PCDHA11: variants seen among roughly 807,000 people sequenced by gnomAD.
PCDHA11 encodes the protein protocadherin alpha-11.
A neutral mutation model predicts 70.3 loss-of-function variants in PCDHA11; 61 were observed. The ratio of observed to expected loss-of-function variants is 0.87; its 90% CI spans 0.71 to 1.07. The LOEUF is 1.07. PCDHA11 is among the 50% of genes least tolerant of loss of function. PCDHA11 has a pLI of 0.00. For missense variants in PCDHA11, 1,324 were observed against 1,237.5 expected, an observed-to-expected ratio of 1.07 and a Z score of -1.05; for synonymous variants, 633 against 555.1, an observed-to-expected ratio of 1.14 and a Z score of -1.97.
Position 140,974,355 on chromosome 5 carries a change from C to T in PCDHA11, c.2392-4594C>T, listed in dbSNP as rs113314336. Among the ~76,000 whole-genome samples the T allele has an allele frequency of 6.8e-3, 1,038 of 152,272 alleles. 15 individuals are homozygous for T. The highest frequency in any genetic ancestry group is 0.024 in the African/African-American group (1,003 of 41,550). ...AGCAGGCTATGCATCCAGAACTAAA[C>T]AGACCTAGCACTTTCTGTTGTACTG... is the stretch of plus-strand genomic sequence containing the variant. On this transcript the variant is annotated intron_variant, in intron 1 of 3. Transcript: ENST00000398640.
chr5:140,927,825 GGCGAGGGA>G (rs782044178), intron 1 of PCDHA11: 1 of 1,614,098 alleles, frequency 6.2e-7, no homozygotes, highest in Non-Finnish European at 8.5e-7. Context: ...CATACATTGA[GGCGAGGGA>G]CGAAGGTGTC....
chr5:140,910,019 T>C (rs2074838579), intron 1 of PCDHA11, among the ~76,000 whole-genome samples: 1 of 152,222 alleles, frequency 6.6e-6, no homozygotes, highest in Non-Finnish European at 1.5e-5. Flanking sequence ...CATCCTTGTA[T>C]CCCTGGGATA....
chr5:140,902,415 G>C (rs887303649), intron 1 of PCDHA11, among the ~76,000 whole-genome samples: 24 of 152,178 alleles, frequency 1.6e-4, no homozygotes, highest in Admixed American at 1.3e-3. Flanking sequence ...TTGAATAACA[G>C]TGGTGAAAGT....
chr5:140,869,945 T>C lies in PCDHA11; in HGVS notation c.842T>C (p.Leu281Ser), dbSNP rs528075021. Residue 281 changes from leucine (L) to serine (S), a missense_variant, in exon 1 of 4, where the codon TTA becomes TCA. By Grantham distance (145) the Leu-to-Ser change is moderately radical. Transcript: ENST00000398640. The part of the protein sequence containing the change: ...EGVNGEVTYS[L>S]MSIKPNGRHL... ...GTCAATGGAGAGGTAACATACTCCTTAATGTCAATTAAGCCCAATGGAAGA... is the reference window on the plus strand; with the variant it reads ...GTCAATGGAGAGGTAACATACTCCTCAATGTCAATTAAGCCCAATGGAAGA... 8 of 1,612,376 alleles carry C rather than the reference T, an allele frequency of 5.0e-6. No individual in the cohort carries two copies. The African/African-American group carries it at 8.0e-5, about 16-fold the overall frequency.
intron 1 of PCDHA11, chr5:140,875,742 C>T (rs782079077): frequency 3.1e-6 from 5 of 1,614,218 alleles, no homozygotes; most frequent in South Asian, 1.1e-5. Context: ...ATTCTCGGAT[C>T]GACCGCGAGA....
Position 141,009,784 on chromosome 5 carries a change from G to T in PCDHA11, c.2697G>T (p.Arg899=). The T allele has an allele frequency of 6.2e-7, 1 of 1,614,054 alleles. No individual in the cohort carries two copies. The highest frequency in any genetic ancestry group is 8.5e-7 in the Non-Finnish European group (1 of 1,180,018). ...GATCTCCTGCAATCATCTCCATCCG[G>T]CAGGAGCCTACTAACAGCCAAATTG... ...IPGSPAIISI[R]QEPTNSQIDK... The change falls in exon 4 of 4, where the codon CGG becomes CGT. Residue 899 remains arginine (R), a synonymous_variant. Coordinates refer to ENST00000398640, the MANE Select transcript of PCDHA11 (RefSeq NM_018902.5).
intron 3 of PCDHA11, among the ~76,000 whole-genome samples, chr5:141,002,021 C>T (rs1177146388): frequency 6.6e-6 from 1 of 152,184 alleles, no homozygotes; most frequent in Non-Finnish European, 1.5e-5. Context: ...GCACAGCCTT[C>T]GGTGCCCTGA....
intron 1 of PCDHA11, among the ~76,000 whole-genome samples, chr5:140,913,644 A>T (rs889499847): frequency 3.9e-5 from 6 of 151,920 alleles, no homozygotes; most frequent in Non-Finnish European, 8.8e-5. Flanking sequence ...CTGCTTTTCT[A>T]GTTCTTTAAG....
chr5:140,906,786 A>G (rs1471436514), intron 1 of PCDHA11, among the ~76,000 whole-genome samples: 1 of 152,198 alleles, frequency 6.6e-6, no homozygotes, highest in Non-Finnish European at 1.5e-5. Flanking sequence ...GATCTTGTGT[A>G]TTCCATGCAT....
At chr5:140,895,949 T>C (rs1413820088) in intron 1 of PCDHA11, among the ~76,000 whole-genome samples, 1 of 152,256 alleles carries the variant, frequency 6.6e-6, no homozygotes, top group East Asian at 1.9e-4. Context: ...TAGCTGGGAT[T>C]ACAGGTGCCT....
intron 1 of PCDHA11, among the ~76,000 whole-genome samples, chr5:140,975,492 A>G (rs2153807380): frequency 6.6e-6 from 1 of 152,332 alleles, no homozygotes; most frequent in South Asian, 2.1e-4. Flanking sequence ...ATCAATGTTC[A>G]TAAAATAGCA....
intron 1 of PCDHA11, chr5:140,883,799 C>T: frequency 1.2e-6 from 2 of 1,612,460 alleles, no homozygotes; most frequent in Non-Finnish European, 1.7e-6. Flanking sequence ...CGTGTCGGTG[C>T]ACGCGGAGAG....
chr5:140,903,513 T>C (rs2070347965), intron 1 of PCDHA11, among the ~76,000 whole-genome samples: 2 of 152,216 alleles, frequency 1.3e-5, no homozygotes, highest in South Asian at 2.1e-4. Flanking sequence ...AATAGTTCTA[T>C]TGTGTTGTTC....
In PCDHA11 at chr5:140,871,062, C is replaced by T. The variant is rs1434880600; in HGVS notation, c.1959C>T (p.His653=). 1.2e-6 allele frequency: 2 copies of T among 1,613,102 alleles called. No individual in the cohort carries two copies. Among genetic ancestry groups the T allele is most frequent in the African/African-American group, 2.7e-5 (2 of 74,930 alleles). ...RHRLLVLVKD[H]GEPALTATAT... The stretch of plus-strand genomic sequence containing the variant: ...GACTTCTAGTACTGGTGAAGGATCA[C>T]GGTGAGCCGGCGCTGACGGCCACGG... Residue 653 remains histidine (H), a synonymous_variant, in exon 1 of 4, where the codon CAC becomes CAT. Transcript: ENST00000398640.
At chr5:141,003,941 G>A (rs532794918) in intron 3 of PCDHA11, among the ~76,000 whole-genome samples, 1 of 152,236 alleles carries the variant, frequency 6.6e-6, no homozygotes, top group African/African-American at 2.4e-5. Flanking sequence ...TTTGCCTGAG[G>A]GTGAGCTAGG....
chr5:140,872,606 A>T (rs905903091), intron 1 of PCDHA11, among the ~76,000 whole-genome samples: 4 of 151,888 alleles, frequency 2.6e-5, no homozygotes, highest in Non-Finnish European at 4.4e-5. Context: ...TGAAAAAATA[A>T]TTTTTTTTGC....
rs376929883 is a variant in PCDHA11 at position 140,967,867 on chromosome 5, C to T, written c.2392-11082C>T. Reference sequence around the variant, plus strand: ...ATGACAATGCCCCAGAGGTGGTGCTCACGGACCTGTATAGCCCAGTGCCTG... The same window carrying T: ...ATGACAATGCCCCAGAGGTGGTGCTTACGGACCTGTATAGCCCAGTGCCTG... On this transcript the variant is annotated intron_variant, in intron 1 of 3. Coordinates refer to ENST00000398640, the MANE Select transcript of PCDHA11 (RefSeq NM_018902.5). 48 of 1,614,012 alleles carry T rather than the reference C, an allele frequency of 3.0e-5. No individual in the cohort carries two copies. The African/African-American group carries it at 6.0e-4, about 20-fold the overall frequency.
intron 1 of PCDHA11, among the ~76,000 whole-genome samples, chr5:140,895,531 A>T (rs1433375510): frequency 6.6e-6 from 1 of 152,016 alleles, no homozygotes; most frequent in Non-Finnish European, 1.5e-5. Flanking sequence ...TTCGTTTTTC[A>T]ATTGTTGAGT....
chr5:140,929,927 G>A (rs2086481303), intron 1 of PCDHA11: 1 of 152,202 alleles, frequency 6.6e-6, no homozygotes, highest in Non-Finnish European at 1.5e-5. Flanking sequence ...ATAAAAAACA[G>A]TGTATTCTCT....
Sources: gnomAD v4.1 joint callset for allele counts (sites outside exome capture counted in the v4.1 genomes callset) on GRCh38, gnomAD v4.1.1 for gene constraint, MANE v1.5 for transcripts, NCBI Gene and HGNC (gene_info 2026-07-23, HGNC 2026-07-21) for gene names.